The following PCDH9 variants were observed in gnomAD, a reference collection of about 807,000 sequenced individuals.
PCDH9 encodes protocadherin-9.
PCDH9 carries 24 observed loss-of-function variants against 70.6 expected under a neutral mutation model. The ratio of observed to expected loss-of-function variants is 0.34; its 90% CI spans 0.25 to 0.48. PCDH9 has a LOEUF of 0.48. Among genes scored for constraint, PCDH9 ranks in the 20% least tolerant of loss-of-function variants. The probability of loss-of-function intolerance (pLI) is 0.99; values close to 1 mark genes in which losing one functional copy is unlikely to be tolerated. For missense variants in PCDH9, 1,281 were observed against 1,503.6 expected (o/e 0.85, Z 2.45); for synonymous variants, 562 against 558.5 (o/e 1.01, Z -0.09).
At chr13:66,716,808 G>T (rs141593117) in intron 3 of PCDH9, among the ~76,000 whole-genome samples, 3 of 152,290 alleles carry the variant, frequency 2.0e-5, no homozygotes, top group African/African-American at 7.2e-5. Context: ...AAGCTAAGAA[G>T]CTTAAGCTTC....
At chr13:66,642,104 T>C (rs2138966644) in intron 3 of PCDH9, among the ~76,000 whole-genome samples, 1 of 152,240 alleles carries the variant, frequency 6.6e-6, no homozygotes, top group Non-Finnish European at 1.5e-5. Context: ...TATAGGTATC[T>C]ATATATTCAT....
rs150854920 is a variant in PCDH9, at chr13:66,867,822, A to T, written c.3138+35682T>A. On this transcript the variant is annotated intron_variant, in intron 3 of 4. Coordinates refer to ENST00000377865, the MANE Select transcript of PCDH9 (RefSeq NM_203487.3). Reference sequence around the variant, plus strand: ...AAGTGTTATGAACTTTTTGAAAAAAATCCTTTTTTTTATCCTTCTGTCATT... The same window carrying T: ...AAGTGTTATGAACTTTTTGAAAAAATTCCTTTTTTTTATCCTTCTGTCATT... Among the ~76,000 whole-genome samples, 1,182 of 152,078 alleles carry T rather than the reference A, an allele frequency of 7.8e-3. 12 individuals are homozygous for T. The highest frequency in any genetic ancestry group is 0.027 in the African/African-American group (1,101 of 41,520).
At chr13:66,497,929 G>C (rs866269340) in intron 4 of PCDH9, among the ~76,000 whole-genome samples, 1 of 144,728 alleles carries the variant, frequency 6.9e-6, no homozygotes, top group African/African-American at 2.6e-5. Context: ...AGTGACTTTC[G>C]TGCCTCAGCC....
chr13:66,541,541 G>C (rs71446807), intron 4 of PCDH9, among the ~76,000 whole-genome samples: 2 of 152,092 alleles, frequency 1.3e-5, no homozygotes, highest in Non-Finnish European at 2.9e-5. Context: ...GCTTCTGACA[G>C]CCTAATTTCA....
intron 4 of PCDH9, among the ~76,000 whole-genome samples, chr13:66,622,478 C>T (rs963093167): frequency 1.3e-5 from 2 of 152,174 alleles, no homozygotes; most frequent in African/African-American, 4.8e-5. Flanking sequence ...CCAATCGGCA[C>T]TCTGTCTCTA....
At chr13:67,036,030 A>G (rs1009594800) in intron 2 of PCDH9, among the ~76,000 whole-genome samples, 1 of 152,144 alleles carries the variant, frequency 6.6e-6, no homozygotes, top group African/African-American at 2.4e-5. Flanking sequence ...ACTCTAATAA[A>G]CTTTTGTTCA....
At chr13:66,661,353 C>G (rs1415215553) in intron 3 of PCDH9, among the ~76,000 whole-genome samples, 1 of 152,168 alleles carries the variant, frequency 6.6e-6, no homozygotes, top group Non-Finnish European at 1.5e-5. Flanking sequence ...AGTGACACTT[C>G]TCATTACCCC....
At chr13:66,916,477 A>C (rs879423051) in intron 2 of PCDH9, among the ~76,000 whole-genome samples, 1 of 151,572 alleles carries the variant, frequency 6.6e-6, no homozygotes, top group Admixed American at 6.6e-5. Flanking sequence ...AAGTCAAAAT[A>C]TCTCTTCAGA....
At chr13:66,910,636 C>CA (rs879278180) in intron 2 of PCDH9, among the ~76,000 whole-genome samples, 1 of 151,604 alleles carries the variant, frequency 6.6e-6, no homozygotes, top group Non-Finnish European at 1.5e-5. Context: ...AGATAAAACA[C>CA]TTTTTTTTTC....
intron 3 of PCDH9, among the ~76,000 whole-genome samples, chr13:66,726,031 A>C (rs1026501680): frequency 6.6e-6 from 1 of 152,202 alleles, no homozygotes. Flanking sequence ...ATGACAGGGA[A>C]TAATGCTTCA....
rs1430474976 is a variant in PCDH9 at position 67,227,149 on chromosome 13, C to A, written c.1292G>T (p.Gly431Val). Residue 431 changes from glycine to valine, a missense_variant, in exon 2 of 5, where the codon GGC becomes GTC. Physicochemically the swap from Gly to Val is moderately radical, Grantham distance 109. Transcript: ENST00000377865. This position sits in a 1 kb window ranked among gnomAD's most constrained non-coding sequence, Gnocchi z 4.6. Reference protein sequence around the residue: ...LETSSLLDYEGTKEFSFKIVA... With the variant: ...LETSSLLDYEVTKEFSFKIVA... Reference sequence around the variant, plus strand: ...AATTTTAAAGCTGAATTCTTTGGTGCCCTCATAGTCCAACAAAGAAGAGGT... The same window carrying A: ...AATTTTAAAGCTGAATTCTTTGGTGACCTCATAGTCCAACAAAGAAGAGGT... The A allele has an allele frequency of 3.1e-6, 5 of 1,613,034 alleles. No individual in the cohort carries two copies. The highest frequency in any genetic ancestry group is 4.2e-6 in the Non-Finnish European group (5 of 1,179,210).
At chr13:66,991,343 G>A (rs975967504) in intron 2 of PCDH9, among the ~76,000 whole-genome samples, 4 of 151,786 alleles carry the variant, frequency 2.6e-5, no homozygotes, top group Non-Finnish European at 5.9e-5. Flanking sequence ...TAAAGTATTT[G>A]ATCATGTATG....
intron 4 of PCDH9, among the ~76,000 whole-genome samples, chr13:66,522,877 T>C (rs1260933512): frequency 6.6e-6 from 1 of 152,092 alleles, no homozygotes; most frequent in Non-Finnish European, 1.5e-5. Flanking sequence ...GTTGTTGTTT[T>C]TTTAACGTCA....
chr13:66,712,011 G>T (rs1179895124), intron 3 of PCDH9, among the ~76,000 whole-genome samples: 1 of 151,984 alleles, frequency 6.6e-6, no homozygotes, highest in African/African-American at 2.4e-5. Flanking sequence ...CTTTCATTAT[G>T]GTCCTCCTTC....
intron 4 of PCDH9, among the ~76,000 whole-genome samples, chr13:66,498,334 G>A (rs947376031): frequency 2.6e-5 from 4 of 151,774 alleles, no homozygotes; most frequent in African/African-American, 7.3e-5. Context: ...TAGTAGAGAC[G>A]GGGTTTCACC....
At chr13:66,317,134 G>C (rs575863128) in intron 4 of PCDH9, among the ~76,000 whole-genome samples, 12 of 152,086 alleles carry the variant, frequency 7.9e-5, no homozygotes, top group Admixed American at 3.3e-4. Context: ...CACACACTTT[G>C]CTTTTTTCAT....
At chr13:67,083,961 T>C (rs1263503082) in intron 2 of PCDH9, among the ~76,000 whole-genome samples, 1 of 152,182 alleles carries the variant, frequency 6.6e-6, no homozygotes, top group East Asian at 1.9e-4. Flanking sequence ...CACTAGTTTC[T>C]AGTATATGCC....
chr13:67,014,280 A>G (rs2084513469), intron 2 of PCDH9, among the ~76,000 whole-genome samples: 1 of 152,114 alleles, frequency 6.6e-6, no homozygotes, highest in Admixed American at 6.6e-5. Context: ...GAAACAAAGA[A>G]CTAGCAATAT....
intron 2 of PCDH9, among the ~76,000 whole-genome samples, chr13:67,067,394 A>G (rs2085668809): frequency 6.6e-6 from 1 of 152,120 alleles, no homozygotes; most frequent in Non-Finnish European, 1.5e-5. Context: ...TCTATATAAC[A>G]TATTATGAAT....
Sources: gnomAD v4.1 joint callset for allele counts (sites outside exome capture counted in the v4.1 genomes callset) on GRCh38, gnomAD v4.1.1 for gene constraint, Gnocchi (gnomAD v3.1) non-coding constraint, MANE v1.5 for transcripts, NCBI Gene and HGNC (gene_info 2026-07-23, HGNC 2026-07-21) for gene names.